Variants in GRB2 observed in about 807,000 individuals in gnomAD.
The protein encoded by GRB2 is growth factor receptor bound protein 2.
A neutral mutation model predicts 27.4 loss-of-function variants in GRB2; 2 were observed. The ratio of observed to expected loss-of-function variants is 0.07; its 90% CI spans 0.03 to 0.23. The LOEUF (loss-of-function observed/expected upper bound fraction) is 0.23. GRB2 is among the 10% of genes least tolerant of loss of function. GRB2 has a pLI of 1.00. For synonymous variants in GRB2, 94 were observed against 99.6 expected (o/e 0.94, Z 0.33); for missense variants, 102 against 282.4 (o/e 0.36, Z 4.58).
chr17:75,377,308 T>C (rs1378208587), intron 2 of GRB2, among the ~76,000 whole-genome samples: 1 of 151,926 alleles, frequency 6.6e-6, no homozygotes, highest in Non-Finnish European at 1.5e-5. Context: ...GGTGACAGAA[T>C]GAGACCCCAT....
At chr17:75,374,403 CA>C (rs56404809) in intron 2 of GRB2, among the ~76,000 whole-genome samples, 20,384 of 88,370 alleles carry the variant, frequency 0.23, 2,268 homozygotes, top group African/African-American at 0.47. Flanking sequence ...GACTCCATAT[CA>C]AAAAAAAAAA....
chr17:75,325,485 T>C (rs1429888457), intron 4 of GRB2, among the ~76,000 whole-genome samples: 1 of 152,148 alleles, frequency 6.6e-6, no homozygotes, highest in East Asian at 1.9e-4. Flanking sequence ...GCAGCCTTCT[T>C]AAGTGACTGT....
chr17:75,381,083 C>A (rs181239017), intron 2 of GRB2, among the ~76,000 whole-genome samples: 1 of 152,090 alleles, frequency 6.6e-6, no homozygotes, highest in East Asian at 1.9e-4. Flanking sequence ...AAATTATTAA[C>A]AGAAACAAGT....
chr17:75,327,010 C>A (rs1254219375), intron 3 of GRB2, among the ~76,000 whole-genome samples: 2 of 151,372 alleles, frequency 1.3e-5, no homozygotes, highest in Non-Finnish European at 2.9e-5. Flanking sequence ...ATTATAATAT[C>A]AAAAGTCCTT....
At chr17:75,381,956 C>T (rs1002424295) in intron 2 of GRB2, among the ~76,000 whole-genome samples, 2 of 151,118 alleles carry the variant, frequency 1.3e-5, no homozygotes, top group African/African-American at 2.4e-5. Context: ...TTTTAAAAGT[C>T]CTGGGTTCCT....
intron 2 of GRB2, among the ~76,000 whole-genome samples, chr17:75,384,361 A>T (rs139986613): frequency 9.1e-4 from 139 of 152,304 alleles, no homozygotes; most frequent in Middle Eastern, 3.4e-3. Flanking sequence ...ATCTGAATGT[A>T]ACTTTTTTCT....
intron 2 of GRB2, among the ~76,000 whole-genome samples, chr17:75,337,428 C>A (rs2078584839): frequency 6.6e-6 from 1 of 151,470 alleles, no homozygotes; most frequent in Non-Finnish European, 1.5e-5. Flanking sequence ...GCAAAGAACA[C>A]AAATGAATGT....
intron 1 of GRB2, chr17:75,395,018 G>T (rs933784601): frequency 3.3e-5 from 5 of 152,184 alleles, no homozygotes; most frequent in Admixed American, 6.5e-5. Flanking sequence ...GAAAACAACA[G>T]AACTGGGACA....
intron 2 of GRB2, chr17:75,387,378 GGAGGCA>G (rs2078971277): frequency 6.6e-6 from 1 of 151,880 alleles, no homozygotes; most frequent in Admixed American, 6.6e-5. Flanking sequence ...TTTGAGCCTG[GGAGGCA>G]GAGGTTGCAG....
At chr17:75,337,204 A>T (rs2078583170) in intron 2 of GRB2, among the ~76,000 whole-genome samples, 1 of 152,230 alleles carries the variant, frequency 6.6e-6, no homozygotes, top group Non-Finnish European at 1.5e-5. Flanking sequence ...GGCAAAACAC[A>T]GGATGAACAA....
chr17:75,377,511 T>A (rs1298773877), intron 2 of GRB2, among the ~76,000 whole-genome samples: 1 of 146,704 alleles, frequency 6.8e-6, no homozygotes, highest in African/African-American at 2.6e-5. Flanking sequence ...TCCCAGCTAC[T>A]CGGGAGGCTG....
intron 2 of GRB2, among the ~76,000 whole-genome samples, chr17:75,367,180 C>T (rs1464890695): frequency 6.6e-6 from 1 of 151,616 alleles, no homozygotes; most frequent in Admixed American, 6.6e-5. Flanking sequence ...TCTTTTTTTC[C>T]CCCTATTCAG....
intron 3 of GRB2, among the ~76,000 whole-genome samples, chr17:75,330,155 G>A (rs1373871578): frequency 3.3e-5 from 5 of 151,936 alleles, no homozygotes; most frequent in South Asian, 2.1e-4. Flanking sequence ...AGGCCGAGGC[G>A]GGCGGATCAG....
intron 2 of GRB2, among the ~76,000 whole-genome samples, chr17:75,357,612 G>C (rs925024306): frequency 3.3e-5 from 5 of 152,108 alleles, no homozygotes; most frequent in African/African-American, 1.2e-4. Flanking sequence ...GCTCCCTGAC[G>C]GTCTATTCAT....
intron 1 of GRB2, 94 bp from the exon 2 acceptor site, chr17:75,393,859 T>G: frequency 4.0e-6 from 2 of 496,018 alleles, no homozygotes; most frequent in Non-Finnish European, 3.5e-6. Flanking sequence ...CCACGCCCCC[T>G]GGCTCGGCCT....
intron 4 of GRB2, among the ~76,000 whole-genome samples, chr17:75,325,118 C>T (rs1475608379): frequency 6.6e-6 from 1 of 151,932 alleles, no homozygotes; most frequent in African/African-American, 2.4e-5. Context: ...TTTCTATCCC[C>T]CATTCAAAAA....
intron 2 of GRB2, among the ~76,000 whole-genome samples, chr17:75,340,124 A>T (rs2078611119): frequency 6.6e-6 from 1 of 152,242 alleles, no homozygotes; most frequent in South Asian, 2.1e-4. Flanking sequence ...TTATGGTCCC[A>T]TCAAGCCTTT....
Position 75,321,677 on chromosome 17 carries a change from G to A in GRB2, c.450C>T (p.Asp150=). The A allele has an allele frequency of 1.2e-6, 2 of 1,614,084 alleles. No individual in the cohort carries two copies. Among genetic ancestry groups the A allele is most frequent in the Non-Finnish European group, 1.7e-6 (2 of 1,179,980 alleles). Residue 150 remains aspartate, a synonymous_variant, in exon 5 of 6, where the codon GAC becomes GAT. Coordinates refer to ENST00000316804, the MANE Select transcript of GRB2 (RefSeq NM_002086.5). ...VSRNQQIFLR[D]IEQVPQQPTY... is the part of the protein sequence containing the mutation. Reference sequence around the variant, plus strand: ...GGCTTACCTGTGGCACCTGTTCTATGTCCCGCAGGAATATCTGCTGGTTTC... The same window carrying A: ...GGCTTACCTGTGGCACCTGTTCTATATCCCGCAGGAATATCTGCTGGTTTC...
Position 75,319,404 on chromosome 17 carries a change from T to G in GRB2, c.*964A>C, listed in dbSNP as rs2078441347. 1 of 147,584 alleles carries G rather than the reference T, an allele frequency of 6.8e-6. No homozygotes were observed. The highest frequency in any genetic ancestry group is 2.1e-4 in the South Asian group (1 of 4,744). 9.1% of individuals were successfully genotyped at this position (147,584 alleles called of 1,614,324 possible). A position where few individuals can be genotyped will look rare whatever the true frequency, so the allele number is the denominator to read the frequency against. ...AAAACAACATGCTCGATAATCCCAC[T>G]GGAAGGGCCAACAAAGTGGAAAGAG... is the stretch of plus-strand genomic sequence containing the variant. On this transcript the variant is annotated 3_prime_UTR_variant, in exon 6 of 6. Transcript: ENST00000316804.
Sources: gnomAD v4.1 joint callset for allele counts (sites outside exome capture counted in the v4.1 genomes callset) on GRCh38, gnomAD v4.1.1 for gene constraint, MANE v1.5 for transcripts, NCBI Gene and HGNC (gene_info 2026-07-23, HGNC 2026-07-21) for gene names.